The following PCDHA10 variants were observed in gnomAD, a reference collection of about 807,000 sequenced individuals.
The protein encoded by PCDHA10 is protocadherin alpha 10, also known as protocadherin alpha-10.
In PCDHA10, 45 loss-of-function variants were observed where a neutral mutation model predicts 61.2. That is an observed-to-expected ratio of 0.74 (90% CI 0.58 to 0.94). The LOEUF is 0.94. PCDHA10 is among the 40% of genes least tolerant of loss of function. PCDHA10 has a pLI of 0.00. For synonymous variants in PCDHA10, 602 were observed against 548.8 expected, an observed-to-expected ratio of 1.10 and a Z score of -1.35; for missense variants, 1,278 against 1,236.2, an observed-to-expected ratio of 1.03 and a Z score of -0.51.
At chr5:140,891,452 TG>T (rs2063116437) in intron 1 of PCDHA10, among the ~76,000 whole-genome samples, 1 of 150,254 alleles carries the variant, frequency 6.7e-6, no homozygotes, top group Non-Finnish European at 1.5e-5. Flanking sequence ...ATAGGATTTT[TG>T]AATTTGTGAA....
At chr5:140,900,429 C>A (rs1202126306) in intron 1 of PCDHA10, among the ~76,000 whole-genome samples, 1 of 152,174 alleles carries the variant, frequency 6.6e-6, no homozygotes, top group East Asian at 1.9e-4. Context: ...AGGCACGTGC[C>A]ACCACGGCCG....
chr5:140,891,055 G>A (rs2062932146), intron 1 of PCDHA10, among the ~76,000 whole-genome samples: 1 of 152,142 alleles, frequency 6.6e-6, no homozygotes, highest in Admixed American at 6.5e-5. Context: ...ACAGCACATA[G>A]TAAATATTAT....
At chr5:140,966,741 G>A in intron 1 of PCDHA10, 1 of 1,421,320 alleles carries the variant, frequency 7.0e-7, no homozygotes, top group Non-Finnish European at 9.1e-7. Context: ...GGCCCTGCCC[G>A]GCTGCCTCCG....
chr5:140,934,688 A>G (rs1554210048), intron 1 of PCDHA10, among the ~76,000 whole-genome samples: 2 of 152,186 alleles, frequency 1.3e-5, no homozygotes, highest in African/African-American at 4.8e-5. Flanking sequence ...CAAAACAATG[A>G]ATTGATTCCT....
intron 1 of PCDHA10, chr5:140,858,764 G>C: frequency 4.4e-6 from 2 of 451,976 alleles, no homozygotes; most frequent in Non-Finnish European, 8.0e-6. Context: ...ACAAATATTT[G>C]TGAGATTAGT....
intron 1 of PCDHA10, among the ~76,000 whole-genome samples, chr5:140,909,316 G>C (rs2074435468): frequency 6.6e-6 from 1 of 152,198 alleles, no homozygotes; most frequent in Non-Finnish European, 1.5e-5. Flanking sequence ...AAAGGCATTT[G>C]CCAAATCAAT....
At chr5:140,943,501 T>C (rs1235998322) in intron 1 of PCDHA10, among the ~76,000 whole-genome samples, 1 of 152,088 alleles carries the variant, frequency 6.6e-6, no homozygotes, top group Non-Finnish European at 1.5e-5. Flanking sequence ...GCTATCAAGG[T>C]TCATGGAAAT....
intron 1 of PCDHA10, among the ~76,000 whole-genome samples, chr5:140,871,971 G>A (rs2053418279): frequency 6.6e-6 from 1 of 152,204 alleles, no homozygotes; most frequent in South Asian, 2.1e-4. Context: ...GTCTTCCTAT[G>A]ATGTCCAGGT....
At chr5:141,003,668 A>G (rs1353003376) in intron 3 of PCDHA10, among the ~76,000 whole-genome samples, 1 of 152,196 alleles carries the variant, frequency 6.6e-6, no homozygotes, top group Non-Finnish European at 1.5e-5. Context: ...ATTAAAATAT[A>G]TGTTGTTCTG....
Position 141,010,263 on chromosome 5 carries a change from C to T in PCDHA10, c.*326C>T, listed in dbSNP as rs782479376. On this transcript the variant is annotated 3_prime_UTR_variant, in exon 4 of 4. Transcript: ENST00000307360. Reference sequence around the variant, plus strand: ...AGGTTGGACTCTCTGCCCTGTGCTCCGGGGATCCTGTCTTGATGACACTTG... The same window carrying T: ...AGGTTGGACTCTCTGCCCTGTGCTCTGGGGATCCTGTCTTGATGACACTTG... The T allele has an allele frequency of 8.4e-6, 13 of 1,551,608 alleles. No homozygotes were observed. Among genetic ancestry groups the T allele is most frequent in the African/African-American group, 5.5e-5 (4 of 73,018 alleles).
rs371577720 is a variant in PCDHA10 at position 140,877,172 on chromosome 5, C to G, written c.2388+18736C>G. 239 of 1,613,700 alleles carry G rather than the reference C, an allele frequency of 1.5e-4. No homozygotes were observed. Among genetic ancestry groups the G allele is most frequent in the Non-Finnish European group, 1.9e-4 (229 of 1,179,846 alleles). On this transcript the variant is annotated intron_variant, in intron 1 of 3. Transcript: ENST00000307360. ...AACGACAACGCGCCGGCACTGCTGG[C>G]GACTCCGGCTGGCAGCGCAGGAGGC...
chr5:140,992,757 G>A (rs1345373474), intron 3 of PCDHA10, among the ~76,000 whole-genome samples: 2 of 152,110 alleles, frequency 1.3e-5, no homozygotes, highest in Non-Finnish European at 2.9e-5. Context: ...CCTGTGTTGG[G>A]GATAGGAGGG....
At chr5:140,939,281 G>C (rs1554212652) in intron 1 of PCDHA10, among the ~76,000 whole-genome samples, 1 of 152,014 alleles carries the variant, frequency 6.6e-6, no homozygotes. Context: ...CTGTGCCCTC[G>C]TGATCTAATC....
At chr5:140,893,608 T>C (rs2064082274) in intron 1 of PCDHA10, among the ~76,000 whole-genome samples, 1 of 152,256 alleles carries the variant, frequency 6.6e-6, no homozygotes, top group African/African-American at 2.4e-5. Flanking sequence ...TTCTCCTTCA[T>C]TTCTGAAGTA....
At chr5:140,912,010 G>A (rs1208180595) in intron 1 of PCDHA10, among the ~76,000 whole-genome samples, 1 of 152,202 alleles carries the variant, frequency 6.6e-6, no homozygotes. Flanking sequence ...CCATCTGCAA[G>A]CTGAGGAGCA....
intron 1 of PCDHA10, among the ~76,000 whole-genome samples, chr5:140,892,561 A>G (rs766284976): frequency 1.3e-5 from 2 of 152,156 alleles, no homozygotes; most frequent in Non-Finnish European, 2.9e-5. Context: ...GTCCTTGGAG[A>G]CTGTCAAAAG....
intron 1 of PCDHA10, chr5:140,875,924 A>C (rs782181544): frequency 6.2e-7 from 1 of 1,614,054 alleles, no homozygotes; most frequent in Non-Finnish European, 8.5e-7. Context: ...CTGGACTCTC[A>C]TTTTCCTCTA....
chr5:140,952,903 C>T (rs896493880), intron 1 of PCDHA10, among the ~76,000 whole-genome samples: 4 of 152,092 alleles, frequency 2.6e-5, no homozygotes, highest in African/African-American at 7.2e-5. Flanking sequence ...GGGAATCAAG[C>T]TCATCTTACA....
chr5:140,883,443 A>G (rs2059611817), intron 1 of PCDHA10: 1 of 1,614,136 alleles, frequency 6.2e-7, no homozygotes. Flanking sequence ...TTGACGCCGC[A>G]TGTCCCCTTC....
Sources: gnomAD v4.1 joint callset for allele counts (sites outside exome capture counted in the v4.1 genomes callset) on GRCh38, gnomAD v4.1.1 for gene constraint, MANE v1.5 for transcripts, NCBI Gene and HGNC (gene_info 2026-07-23, HGNC 2026-07-21) for gene names.